Variants in NDUFAF6 observed in about 807,000 individuals in gnomAD.
The protein encoded by NDUFAF6 is NADH:ubiquinone oxidoreductase complex assembly factor 6, also known as NADH dehydrogenase (ubiquinone) complex I, assembly factor 6.
Under a neutral mutation model 40.8 loss-of-function variants are expected in NDUFAF6, and 45 were observed. The observed-to-expected ratio is 1.10, with a 90% CI of 0.87 to 1.42. NDUFAF6 has a LOEUF of 1.42. NDUFAF6 is among the 40% of genes most tolerant of loss of function. The probability of loss-of-function intolerance (pLI) is 0.00; values close to 1 mark genes in which losing one functional copy is unlikely to be tolerated. For synonymous variants in NDUFAF6, 185 were observed against 155.9 expected, an observed-to-expected ratio of 1.19 and a Z score of -1.39; for missense variants, 435 against 418.5, an observed-to-expected ratio of 1.04 and a Z score of -0.34.
At chr8:95,000,269 G>A (rs139367106) in intron 2 of NDUFAF6, among the ~76,000 whole-genome samples, 1,550 of 152,212 alleles carry the variant, frequency 0.01, 26 homozygotes, top group African/African-American at 0.036. Flanking sequence ...TCTGGGAGGC[G>A]GAGGTTGCAA....
intron 1 of NDUFAF6, among the ~76,000 whole-genome samples, chr8:94,913,535 G>A (rs1818924228): frequency 6.6e-6 from 1 of 152,118 alleles, no homozygotes; most frequent in Non-Finnish European, 1.5e-5. Flanking sequence ...AGTGGCTCAC[G>A]CCGGTAATCC....
intron 4 of NDUFAF6, among the ~76,000 whole-genome samples, chr8:95,114,017 G>T: frequency 7.6e-6 from 1 of 131,790 alleles, no homozygotes; most frequent in African/African-American, 2.8e-5. Flanking sequence ...GGGATGGGGG[G>T]AGGGGGGAGG....
chr8:94,982,835 CAACT>C (rs1236857188), intron 2 of NDUFAF6, among the ~76,000 whole-genome samples: 2 of 152,234 alleles, frequency 1.3e-5, no homozygotes, highest in Non-Finnish European at 2.9e-5. Context: ...AAGGAAGAGC[CAACT>C]AAGTTGAGAC....
At chr8:94,908,945 G>T (rs529869140) in intron 1 of NDUFAF6, among the ~76,000 whole-genome samples, 1 of 152,122 alleles carries the variant, frequency 6.6e-6, no homozygotes, top group Admixed American at 6.5e-5. Flanking sequence ...AATTAGAAGT[G>T]GCCTCACACA....
chr8:95,104,198 A>G (rs1305471481), downstream of NDUFAF6, among the ~76,000 whole-genome samples: 1 of 152,138 alleles, frequency 6.6e-6, no homozygotes, highest in Non-Finnish European at 1.5e-5. Flanking sequence ...TTCATTACCA[A>G]CATTTAAAGG....
At chr8:95,071,403 GAA>G (rs10583999) in intron 9 of NDUFAF6, among the ~76,000 whole-genome samples, 6,134 of 105,572 alleles carry the variant, frequency 0.058, 461 homozygotes, top group African/African-American at 0.2. Context: ...GTCTCCAAAA[GAA>G]AAAAAAAAAA....
rs1832463532 is a variant in NDUFAF6 at position 95,058,578 on chromosome 8, T to C, written c.*641T>C. ...CTGGCTGGTCTGGAAGCTTTTACTTTTTTGTTAATCCCACTTCCTCACTCT... is the reference window on the plus strand; with the variant it reads ...CTGGCTGGTCTGGAAGCTTTTACTTCTTTGTTAATCCCACTTCCTCACTCT... On this transcript the variant is annotated 3_prime_UTR_variant, in exon 9 of 9. Transcript: ENST00000396124. 2.2e-5 allele frequency: 26 copies of C among 1,202,652 alleles called. No individual in the cohort carries two copies. Among genetic ancestry groups the C allele is most frequent in the Admixed American group, 4.4e-5 (1 of 22,828 alleles). 74.5% of individuals were successfully genotyped at this position (1,202,652 alleles called of 1,614,324 possible).
At chr8:94,980,031 A>G (rs1825285195) in intron 1 of NDUFAF6, among the ~76,000 whole-genome samples, 1 of 151,804 alleles carries the variant, frequency 6.6e-6, no homozygotes, top group Non-Finnish European at 1.5e-5. Context: ...AGGAAGGCGG[A>G]GGTTACAGTG....
chr8:94,928,653 C>G (rs1001814404), intron 1 of NDUFAF6: 2 of 152,294 alleles, frequency 1.3e-5, no homozygotes, highest in South Asian at 2.1e-4. Context: ...AAGAGACATT[C>G]TGGCACTTCA....
chr8:95,083,852 C>T (rs569171949), intron 2 of NDUFAF6, among the ~76,000 whole-genome samples: 47 of 152,254 alleles, frequency 3.1e-4, no homozygotes, highest in African/African-American at 1.0e-3. Context: ...GACCATGTTT[C>T]GTTACCTACA....
intron 1 of NDUFAF6, chr8:94,929,673 G>T (rs551556849): frequency 6.6e-6 from 1 of 152,216 alleles, no homozygotes; most frequent in Non-Finnish European, 1.5e-5. Context: ...GACAGAATTG[G>T]CGGGAAGGAA....
At chr8:95,117,392 C>G (rs1205865744), downstream of NDUFAF6, among the ~76,000 whole-genome samples, 1 of 152,092 alleles carries the variant, frequency 6.6e-6, no homozygotes, top group African/African-American at 2.4e-5. Context: ...CGATTATCAC[C>G]CAACATCCAC....
chr8:95,024,940 G>T, upstream of NDUFAF6: 1 of 1,245,542 alleles, frequency 8.0e-7, no homozygotes, highest in Non-Finnish European at 1.0e-6. Context: ...AGGGGAACCT[G>T]CAGGGGCGTG....
chr8:94,962,519 C>T (rs1482009828), intron 1 of NDUFAF6, among the ~76,000 whole-genome samples: 1 of 152,226 alleles, frequency 6.6e-6, no homozygotes, highest in Non-Finnish European at 1.5e-5. Context: ...TCTCAAACTC[C>T]TGGCCTCAAG....
chr8:94,980,197 T>C (rs1225245714), intron 1 of NDUFAF6, among the ~76,000 whole-genome samples: 1 of 150,328 alleles, frequency 6.7e-6, no homozygotes, highest in Non-Finnish European at 1.5e-5. Flanking sequence ...AGTCTTTTGT[T>C]CTTTATGCAT....
chr8:94,941,739 C>A (rs2131372668), intron 1 of NDUFAF6, among the ~76,000 whole-genome samples: 1 of 152,336 alleles, frequency 6.6e-6, no homozygotes, highest in Non-Finnish European at 1.5e-5. Context: ...TGCATTCAAA[C>A]CCTGGCTAGC....
chr8:95,075,658 G>T lies in NDUFAF6; in HGVS notation c.*537G>T, dbSNP rs996694618. 20 of 1,288,288 alleles carry T rather than the reference G, an allele frequency of 1.6e-5. No individual in the cohort carries two copies. In the African/African-American group the frequency reaches 2.9e-4, roughly 19 times the overall value. 79.8% of individuals were successfully genotyped at this position (1,288,288 alleles called of 1,614,324 possible). On this transcript the variant is annotated 3_prime_UTR_variant and NMD_transcript_variant, in exon 10 of 10. Transcript: ENST00000520757. Reference sequence around the variant, plus strand: ...GAAATTAAGGATGCAGACACTCAGGGCGTGTGTCTTGCACAGCCAGCCAGC... The same window carrying T: ...GAAATTAAGGATGCAGACACTCAGGTCGTGTGTCTTGCACAGCCAGCCAGC...
At chr8:94,976,632 C>T (rs1824970066) in intron 1 of NDUFAF6, among the ~76,000 whole-genome samples, 1 of 151,444 alleles carries the variant, frequency 6.6e-6, no homozygotes, top group Non-Finnish European at 1.5e-5. Context: ...CAAGATCACA[C>T]CACTGCACTC....
intron 1 of NDUFAF6, among the ~76,000 whole-genome samples, chr8:94,935,128 T>TGTAG (rs149916195): frequency 1.4e-5 from 2 of 144,640 alleles, no homozygotes; most frequent in Non-Finnish European, 3.0e-5. Context: ...GGTAGATAGA[T>TGTAG]ATAGATAGAT....
Sources: allele counts gnomAD v4.1 joint callset (sites outside exome capture counted in the v4.1 genomes callset), GRCh38; gene constraint gnomAD v4.1.1; transcripts MANE v1.5; gene names NCBI Gene and HGNC (gene_info 2026-07-23, HGNC 2026-07-21).